Variants in ZNF160 observed in about 807,000 individuals in gnomAD.
ZNF160 encodes zinc finger protein 160, also known as KRAB zinc finger protein KR18.
In ZNF160, 9 loss-of-function variants were observed where a neutral mutation model predicts 13.1. The ratio of observed to expected loss-of-function variants is 0.69; its 90% CI spans 0.41 to 1.20. The LOEUF (loss-of-function observed/expected upper bound fraction) is 1.20. Ranked by LOEUF, ZNF160 falls within the 50% of genes most tolerant of loss-of-function variation. ZNF160 has a pLI of 0.01. For synonymous variants in ZNF160, 293 were observed against 333.2 expected (o/e 0.88, Z 1.31); for missense variants, 838 against 988.0 (o/e 0.85, Z 2.04).
chr19:53,071,066 T>C (rs544852685), intron 5 of ZNF160, among the ~76,000 whole-genome samples: 1 of 151,966 alleles, frequency 6.6e-6, no homozygotes, highest in African/African-American at 2.4e-5. Context: ...CGTGGTGGCA[T>C]GCGCCTATAG....
intron 1 of ZNF160, among the ~76,000 whole-genome samples, chr19:53,100,638 T>C (rs568494367): frequency 3.3e-5 from 5 of 151,774 alleles, no homozygotes; most frequent in African/African-American, 1.2e-4. Context: ...TAGGTTCTTA[T>C]GTTAACGTTA....
chr19:53,088,268 G>GA (rs1372422544), intron 2 of ZNF160, among the ~76,000 whole-genome samples: 1 of 152,192 alleles, frequency 6.6e-6, no homozygotes, highest in Non-Finnish European at 1.5e-5. Flanking sequence ...GACAGGACAT[G>GA]AATTACGGCA....
intron 1 of ZNF160, among the ~76,000 whole-genome samples, chr19:53,101,197 T>C (rs953935354): frequency 6.6e-6 from 1 of 152,028 alleles, no homozygotes; most frequent in African/African-American, 2.4e-5. Flanking sequence ...GGAGAATCAC[T>C]TGAACCCAGG....
At chr19:53,099,429 G>C (rs899765902) in intron 1 of ZNF160, among the ~76,000 whole-genome samples, 1 of 152,212 alleles carries the variant, frequency 6.6e-6, no homozygotes, top group Non-Finnish European at 1.5e-5. Flanking sequence ...ACACTGGCAG[G>C]GGCCCTGGAC....
chr19:53,083,950 CT>C (rs1222912554), intron 3 of ZNF160, among the ~76,000 whole-genome samples: 1 of 152,112 alleles, frequency 6.6e-6, no homozygotes, highest in Non-Finnish European at 1.5e-5. Context: ...CCATTTTCCC[CT>C]GTTCCCTACT....
At chr19:53,074,960 T>C (rs1194505008) in intron 4 of ZNF160, 97 bp downstream of exon 4, 1 of 1,533,134 alleles carries the variant, frequency 6.5e-7, no homozygotes, top group Non-Finnish European at 9.0e-7. Context: ...GACTTCAATC[T>C]CAGTCAAGCA....
chr19:53,078,798 T>TA (rs2084508553), intron 3 of ZNF160, among the ~76,000 whole-genome samples: 31 of 81,450 alleles, frequency 3.8e-4, no homozygotes, highest in African/African-American at 5.1e-4. Context: ...GGAGCAGCAA[T>TA]CAAAAAAAAA....
intron 3 of ZNF160, among the ~76,000 whole-genome samples, chr19:53,084,584 T>A (rs917828792): frequency 6.6e-6 from 1 of 152,186 alleles, no homozygotes; most frequent in Admixed American, 6.5e-5. Context: ...ACACAGCTCC[T>A]GAATTCCAGG....
chr19:53,083,457 G>T (rs574474583), intron 3 of ZNF160, among the ~76,000 whole-genome samples: 4 of 152,334 alleles, frequency 2.6e-5, no homozygotes, highest in African/African-American at 9.6e-5. Context: ...TCCACTGGTA[G>T]ATAAAGATAA....
intron 5 of ZNF160, among the ~76,000 whole-genome samples, chr19:53,071,907 G>T (rs943474989): frequency 1.3e-5 from 2 of 152,022 alleles, no homozygotes; most frequent in African/African-American, 4.8e-5. Context: ...TAATGGCAAA[G>T]AGCTCACAGG....
chr19:53,094,070 A>C (rs995852716), intron 1 of ZNF160, among the ~76,000 whole-genome samples: 3 of 152,222 alleles, frequency 2.0e-5, no homozygotes, highest in Non-Finnish European at 4.4e-5. Context: ...TTTATCTTCC[A>C]AAATGCATCC....
intron 2 of ZNF160, among the ~76,000 whole-genome samples, chr19:53,090,800 A>G (rs2085006276): frequency 6.6e-6 from 1 of 152,180 alleles, no homozygotes; most frequent in Admixed American, 6.5e-5. Flanking sequence ...TGCAGACGCA[A>G]TGAAGGGCGA....
chr19:53,083,790 C>T (rs547453912), intron 3 of ZNF160, among the ~76,000 whole-genome samples: 9 of 152,242 alleles, frequency 5.9e-5, no homozygotes, highest in East Asian at 1.9e-4. Context: ...AACCGTAGTC[C>T]CAGCTACTCA....
intron 1 of ZNF160, among the ~76,000 whole-genome samples, chr19:53,099,413 G>C (rs1035598333): frequency 1.3e-5 from 2 of 152,238 alleles, no homozygotes; most frequent in African/African-American, 2.4e-5. Flanking sequence ...CCCAGGAGGA[G>C]GCTGGACACT....
chr19:53,101,391 C>G (rs60307862), intron 1 of ZNF160, among the ~76,000 whole-genome samples: 2 of 151,446 alleles, frequency 1.3e-5, no homozygotes, highest in East Asian at 3.9e-4. Flanking sequence ...CTGAACTCAA[C>G]ACAATTAACT....
At chr19:53,102,760 TGGA>T (rs1183777150) in intron 1 of ZNF160, among the ~76,000 whole-genome samples, 2 of 152,158 alleles carry the variant, frequency 1.3e-5, no homozygotes, top group Admixed American at 6.5e-5. Context: ...GTCTGCATGT[TGGA>T]GGAGTACATT....
chr19:53,099,896 G>A (rs180812795), intron 1 of ZNF160, among the ~76,000 whole-genome samples: 116 of 152,234 alleles, frequency 7.6e-4, no homozygotes, highest in Middle Eastern at 3.4e-3. Context: ...ACTCTATGAC[G>A]GCCTCGAAGG....
intron 2 of ZNF160, among the ~76,000 whole-genome samples, chr19:53,089,019 C>G (rs977422758): frequency 6.6e-6 from 1 of 152,170 alleles, no homozygotes; most frequent in Non-Finnish European, 1.5e-5. Context: ...CATCTGTGTC[C>G]TTTGCAACAT....
chr19:53,070,286 A>G (rs766095014), intron 5 of ZNF160, 24 bp from the exon 6 acceptor site: 1 of 1,519,706 alleles, frequency 6.6e-7, no homozygotes, highest in Non-Finnish European at 8.8e-7. Context: ...AGAACCACAT[A>G]ATTTCCAATT....
Sources: gnomAD v4.1 joint callset for allele counts (sites outside exome capture counted in the v4.1 genomes callset) on GRCh38, gnomAD v4.1.1 for gene constraint, MANE v1.5 for transcripts, NCBI Gene and HGNC (gene_info 2026-07-23, HGNC 2026-07-21) for gene names.